RBFOX1: variants seen among roughly 807,000 people sequenced by gnomAD.
The protein encoded by RBFOX1 is RNA binding fox-1 homolog 1, also known as RNA binding protein fox-1 homolog 1.
Under a neutral mutation model 57.7 loss-of-function variants are expected in RBFOX1, and 8 were observed. The observed-to-expected ratio is 0.14, with a 90% CI of 0.08 to 0.25. The LOEUF (loss-of-function observed/expected upper bound fraction) is 0.25. Among genes scored for constraint, RBFOX1 ranks in the 10% least tolerant of loss-of-function variants. The pLI is 1.00. For synonymous variants in RBFOX1, 326 were observed against 222.4 expected, an observed-to-expected ratio of 1.47 and a Z score of -4.15; for missense variants, 611 against 548.5, an observed-to-expected ratio of 1.11 and a Z score of -1.14.
intron 2 of RBFOX1, among the ~76,000 whole-genome samples, chr16:5,589,374 G>A (rs1355356769): frequency 6.6e-6 from 1 of 152,186 alleles, no homozygotes; most frequent in East Asian, 1.9e-4. Flanking sequence ...TGGCCAACCT[G>A]GGGCAAGTCA....
chr16:5,268,813 T>A (rs2062927193), intron 1 of RBFOX1, among the ~76,000 whole-genome samples: 1 of 152,260 alleles, frequency 6.6e-6, no homozygotes, highest in Non-Finnish European at 1.5e-5. Flanking sequence ...GTTTGGGAAG[T>A]TGTTAAACTG....
intron 3 of RBFOX1, among the ~76,000 whole-genome samples, chr16:6,666,953 GTTA>G (rs1296774209): frequency 6.6e-6 from 1 of 152,164 alleles, no homozygotes. Context: ...ACAGCTGACA[GTTA>G]TTTTTGTAGG....
intron 3 of RBFOX1, among the ~76,000 whole-genome samples, chr16:5,698,737 A>G (rs1353061767): frequency 2.0e-5 from 3 of 152,220 alleles, no homozygotes; most frequent in Admixed American, 1.3e-4. Context: ...AAAACATGGT[A>G]TGTCCATACA....
intron 13 of RBFOX1, among the ~76,000 whole-genome samples, chr16:7,674,556 CAAGCAAATTTCTAGATAA>C (rs1193835718): frequency 2.0e-4 from 30 of 152,160 alleles, no homozygotes; most frequent in Non-Finnish European, 3.8e-4. Context: ...GGAATGCTCA[CAAGCAAATTTCTAGATAA>C]TAAAGTCATA....
chr16:6,281,901 A>C (rs1045526250), intron 1 of RBFOX1, among the ~76,000 whole-genome samples: 3 of 152,084 alleles, frequency 2.0e-5, no homozygotes, highest in African/African-American at 7.2e-5. Context: ...AGGCTACCCC[A>C]CTGCCCGCCT....
intron 4 of RBFOX1, among the ~76,000 whole-genome samples, chr16:7,343,244 A>T (rs576566398): frequency 1.2e-4 from 18 of 152,290 alleles, no homozygotes; most frequent in Admixed American, 7.2e-4. Context: ...TGGGCAGCTT[A>T]TGGGAAGCCT....
rs1167184047 is a variant in RBFOX1, at chr16:5,946,442, T to C, written c.351+79107T>C. ...ACTACTCTATCTTGCGACAGAGCCA[T>C]GAACAGCTCAGCCAAGATCTCTGCT... is the stretch of plus-strand genomic sequence containing the variant. On this transcript the variant is annotated intron_variant, in intron 4 of 19. Transcript: ENST00000641259. The surrounding 1 kb of genome is among the most constrained non-coding windows in gnomAD (Gnocchi z 4.6). Among the ~76,000 whole-genome samples the C allele has an allele frequency of 6.6e-6, 1 of 152,236 alleles. No individual in the cohort carries two copies. Among genetic ancestry groups the C allele is most frequent in the East Asian group, 1.9e-4 (1 of 5,200 alleles).
intron 1 of RBFOX1, among the ~76,000 whole-genome samples, chr16:6,088,177 TC>T (rs2096117295): frequency 2.0e-5 from 3 of 152,126 alleles, no homozygotes; most frequent in African/African-American, 4.8e-5. Flanking sequence ...AAACTTACCC[TC>T]TTAGTTACTT....
chr16:5,369,908 G>T (rs1445045594), intron 1 of RBFOX1, among the ~76,000 whole-genome samples: 1 of 152,082 alleles, frequency 6.6e-6, no homozygotes, highest in African/African-American at 2.4e-5. Flanking sequence ...CCAACCTATA[G>T]ATGTCTGAGA....
intron 3 of RBFOX1, among the ~76,000 whole-genome samples, chr16:6,743,549 C>T (rs777214958): frequency 4.6e-5 from 7 of 152,022 alleles, no homozygotes; most frequent in Non-Finnish European, 1.0e-4. Flanking sequence ...TGAGACCAAC[C>T]TGAGCAACAT....
At chr16:6,144,068 G>A (rs79499661) in intron 1 of RBFOX1, among the ~76,000 whole-genome samples, 4,927 of 151,522 alleles carry the variant, frequency 0.033, 261 homozygotes, top group African/African-American at 0.11. Context: ...CAAAATGTTG[G>A]GATTACAGGT....
At chr16:6,256,215 A>G (rs1270529447) in intron 1 of RBFOX1, among the ~76,000 whole-genome samples, 14 of 105,134 alleles carry the variant, frequency 1.3e-4, no homozygotes, top group South Asian at 6.0e-4. Flanking sequence ...ATATGTGTAT[A>G]TATATGTATA....
intron 1 of RBFOX1, among the ~76,000 whole-genome samples, chr16:5,350,126 G>T (rs536414925): frequency 3.3e-5 from 5 of 152,290 alleles, no homozygotes; most frequent in African/African-American, 1.2e-4. Flanking sequence ...TTTTCAGGGG[G>T]TTTCGGTTCC....
chr16:6,260,203 C>T (rs557494622), intron 1 of RBFOX1, among the ~76,000 whole-genome samples: 1 of 152,182 alleles, frequency 6.6e-6, no homozygotes, highest in African/African-American at 2.4e-5. Context: ...TACATGCAGC[C>T]TGTGGTCCCT....
rs555645613 is a variant in RBFOX1 at position 6,228,617 on chromosome 16, C to T, written c.-126-88378C>T. On this transcript the variant is annotated intron_variant, in intron 1 of 15. Coordinates refer to ENST00000550418, the MANE Select transcript of RBFOX1 (RefSeq NM_018723.4). ...ATATATGGAATCTAACAGAGTGAGA[C>T]TCATAGAAACAGAGTAAAATGGTGG... 1.2e-4 allele frequency among the ~76,000 whole-genome samples: 19 copies of T among 152,252 alleles called. No individual in the cohort carries two copies. The East Asian group carries it at 2.5e-3, about 20-fold the overall frequency.
chr16:7,709,618 A>G, intron 15 of RBFOX1: 2 of 1,532,112 alleles, frequency 1.3e-6, no homozygotes, highest in Non-Finnish European at 1.7e-6. Context: ...GTTTAAAGTC[A>G]TAGTCGCCCA....
At chr16:6,613,457 A>G (rs1039249352) in intron 2 of RBFOX1, among the ~76,000 whole-genome samples, 1 of 152,126 alleles carries the variant, frequency 6.6e-6, no homozygotes, top group Non-Finnish European at 1.5e-5. Flanking sequence ...AGGCCCCCTT[A>G]AAGTCTTCCG....
chr16:7,488,608 G>A (rs772191257), intron 4 of RBFOX1, among the ~76,000 whole-genome samples: 13 of 151,898 alleles, frequency 8.6e-5, no homozygotes, highest in Non-Finnish European at 8.8e-5. Flanking sequence ...ACGTTCATCC[G>A]TTACACACCT....
intron 4 of RBFOX1, among the ~76,000 whole-genome samples, chr16:7,442,298 G>A (rs1032305445): frequency 6.6e-6 from 1 of 152,112 alleles, no homozygotes; most frequent in Non-Finnish European, 1.5e-5. Flanking sequence ...TCCCTCCTCT[G>A]CCTTCTCCAG....
Sources: allele counts gnomAD v4.1 joint callset (sites outside exome capture counted in the v4.1 genomes callset), GRCh38; gene constraint gnomAD v4.1.1; non-coding constraint Gnocchi (gnomAD v3.1); transcripts MANE v1.5; gene names NCBI Gene and HGNC (gene_info 2026-07-23, HGNC 2026-07-21).